Variants in MAML3 observed in about 807,000 individuals in gnomAD.
MAML3 encodes mastermind like transcriptional coactivator 3.
A neutral mutation model predicts 101.9 loss-of-function variants in MAML3; 27 were observed. The ratio of observed to expected loss-of-function variants is 0.27; its 90% CI spans 0.20 to 0.37. The LOEUF is 0.37. Ranked by LOEUF, MAML3 falls within the 10% of genes least tolerant of loss-of-function variation. The pLI is 1.00. For missense variants in MAML3, 1,316 were observed against 1,444.9 expected, an observed-to-expected ratio of 0.91 and a Z score of 1.45; for synonymous variants, 501 against 555.9, an observed-to-expected ratio of 0.90 and a Z score of 1.39.
At chr4:139,861,125 C>T (rs1323986013) in intron 2 of MAML3, among the ~76,000 whole-genome samples, 1 of 152,106 alleles carries the variant, frequency 6.6e-6, no homozygotes, top group African/African-American at 2.4e-5. Context: ...TTTTCCAGTC[C>T]TTGACTCTTG....
chr4:139,779,996 C>T (rs1410653678), intron 2 of MAML3, among the ~76,000 whole-genome samples: 1 of 152,258 alleles, frequency 6.6e-6, no homozygotes, highest in Admixed American at 6.5e-5. Context: ...GTTCCCTCGC[C>T]CCTAGGCCAG....
chr4:140,092,872 A>AAG (rs3053691), intron 1 of MAML3, among the ~76,000 whole-genome samples: 142,312 of 152,168 alleles, frequency 0.94, 67,261 homozygotes, highest in East Asian at 1. Flanking sequence ...AACCAAAAAG[A>AAG]AAAATTTGAG....
chr4:140,151,697 G>GGGGT (rs1553981895), intron 1 of MAML3, among the ~76,000 whole-genome samples: 24 of 151,214 alleles, frequency 1.6e-4, no homozygotes, highest in East Asian at 1.2e-3. Flanking sequence ...GTGCGGGGGG[G>GGGGT]GGGGGCACAC....
intron 1 of MAML3, among the ~76,000 whole-genome samples, chr4:140,004,666 C>T (rs1368196957): frequency 6.6e-6 from 1 of 152,074 alleles, no homozygotes; most frequent in African/African-American, 2.4e-5. Context: ...ATGAGACTCG[C>T]AGGGAGACAA....
intron 2 of MAML3, among the ~76,000 whole-genome samples, chr4:139,769,424 C>T (rs920976891): frequency 2.0e-5 from 3 of 152,194 alleles, no homozygotes; most frequent in Admixed American, 6.5e-5. Flanking sequence ...CAAGAGAAGA[C>T]CATCTGCACA....
At chr4:140,061,760 T>C (rs1727450813) in intron 1 of MAML3, among the ~76,000 whole-genome samples, 1 of 152,188 alleles carries the variant, frequency 6.6e-6, no homozygotes, top group Non-Finnish European at 1.5e-5. Context: ...CTTCATTTGG[T>C]GTTGGCAGAA....
intron 1 of MAML3, among the ~76,000 whole-genome samples, chr4:140,023,662 A>C (rs1245245556): frequency 6.6e-6 from 1 of 152,228 alleles, no homozygotes; most frequent in Non-Finnish European, 1.5e-5. Flanking sequence ...TTTTTCATTT[A>C]AATATGCAAG....
intron 4 of MAML3, among the ~76,000 whole-genome samples, chr4:139,722,469 CT>C (rs1035940101): frequency 1.3e-5 from 2 of 151,998 alleles, no homozygotes; most frequent in Non-Finnish European, 2.9e-5. Context: ...TTTTCTTTTT[CT>C]TTTTTTGGTC....
rs62345589 is a variant in MAML3, at chr4:140,063,215, T to A, written c.468+89645A>T. Among the ~76,000 whole-genome samples, 1,381 of 152,244 alleles carry A rather than the reference T, an allele frequency of 9.1e-3. 13 individuals are homozygous for A. Among genetic ancestry groups the A allele is most frequent in the Non-Finnish European group, 0.013 (878 of 68,010 alleles). The stretch of plus-strand genomic sequence containing the variant: ...ACAATTTTACCTATTTTTATTAATA[T>A]CTCTTGACCATGCAGGAAAGAGACA... On this transcript the variant is annotated intron_variant, in intron 1 of 4. Coordinates refer to ENST00000509479, the MANE Select transcript of MAML3 (RefSeq NM_018717.5).
chr4:140,023,520 A>G (rs546186261), intron 1 of MAML3, among the ~76,000 whole-genome samples: 39 of 152,310 alleles, frequency 2.6e-4, no homozygotes, highest in African/African-American at 8.9e-4. Flanking sequence ...AAGTACTCAC[A>G]TTGCAAAGGC....
intron 2 of MAML3, among the ~76,000 whole-genome samples, chr4:139,884,425 T>C (rs1218950085): frequency 6.6e-6 from 1 of 152,214 alleles, no homozygotes; most frequent in African/African-American, 2.4e-5. Context: ...AAGAATAAAG[T>C]AGCAGAGTCA....
At chr4:139,878,470 G>A (rs1307078636) in intron 2 of MAML3, among the ~76,000 whole-genome samples, 7 of 152,146 alleles carry the variant, frequency 4.6e-5, no homozygotes, top group Non-Finnish European at 1.0e-4. Flanking sequence ...ACTTTGAGGA[G>A]TGAATATACA....
At chr4:139,751,268 G>A (rs1482824488) in intron 2 of MAML3, among the ~76,000 whole-genome samples, 2 of 152,152 alleles carry the variant, frequency 1.3e-5, no homozygotes, top group Non-Finnish European at 2.9e-5. Flanking sequence ...ACATATTCAG[G>A]TTGAGTATCC....
chr4:140,017,298 C>T (rs9884417), intron 1 of MAML3, among the ~76,000 whole-genome samples: 65,143 of 151,852 alleles, frequency 0.43, 15,079 homozygotes, highest in East Asian at 0.65. Flanking sequence ...ACAGTGACAC[C>T]ACCAAATACT....
chr4:140,062,533 T>G (rs1402251522), intron 1 of MAML3, among the ~76,000 whole-genome samples: 2 of 152,252 alleles, frequency 1.3e-5, no homozygotes, highest in African/African-American at 4.8e-5. Context: ...TGCTGCGCTC[T>G]GAGAGTTTTC....
At chr4:139,825,480 C>G (rs958955424) in intron 2 of MAML3, among the ~76,000 whole-genome samples, 1 of 152,138 alleles carries the variant, frequency 6.6e-6, no homozygotes, top group Non-Finnish European at 1.5e-5. Context: ...AAGATAGTCC[C>G]GTCTATCATG....
chr4:140,052,759 T>C (rs942118158), intron 1 of MAML3, among the ~76,000 whole-genome samples: 5 of 152,128 alleles, frequency 3.3e-5, no homozygotes, highest in Non-Finnish European at 7.4e-5. Flanking sequence ...GGTCTCGAAC[T>C]CCTGACCTCA....
chr4:139,855,916 C>T (rs1357844259), intron 2 of MAML3, among the ~76,000 whole-genome samples: 2 of 152,202 alleles, frequency 1.3e-5, no homozygotes, highest in African/African-American at 2.4e-5. Flanking sequence ...AATGTAGGCT[C>T]GGGAAAACTC....
At chr4:139,942,340 A>G (rs1219849338) in intron 1 of MAML3, among the ~76,000 whole-genome samples, 1 of 152,200 alleles carries the variant, frequency 6.6e-6, no homozygotes, top group African/African-American at 2.4e-5. Flanking sequence ...GCGTCATGTC[A>G]TTAAGGCTGA....
Sources: allele counts gnomAD v4.1 joint callset (sites outside exome capture counted in the v4.1 genomes callset), GRCh38; gene constraint gnomAD v4.1.1; transcripts MANE v1.5; gene names NCBI Gene and HGNC (gene_info 2026-07-23, HGNC 2026-07-21).